The following SAXO1 variants were observed in gnomAD, a reference collection of about 807,000 sequenced individuals.
The protein encoded by SAXO1 is stabilizer of axonemal microtubules 1, also known as 4930500O09Rik.
A neutral mutation model predicts 17.5 loss-of-function variants in SAXO1; 21 were observed. The observed-to-expected ratio is 1.20, with a 90% CI of 0.85 to 1.72. The LOEUF (loss-of-function observed/expected upper bound fraction) is 1.72, where lower values mean the gene tolerates loss of function less well. Ranked by LOEUF, SAXO1 falls within the 40% of genes most tolerant of loss-of-function variation. SAXO1 has a pLI of 0.00. For synonymous variants in SAXO1, 274 were observed against 216.5 expected (o/e 1.27, Z -2.33); for missense variants, 843 against 596.0 (o/e 1.41, Z -4.32).
Position 18,961,169 on chromosome 9 carries a change from C to CTT in SAXO1, c.39-10234_39-10233dup, listed in dbSNP as rs11417886. ...TCTCTTATTTACTTTGAAATTCTTT[C>CTT]TTTTTTTTTTTTGGAGGTGGGGGTT... On this transcript the variant is annotated intron_variant, in intron 1 of 3. Coordinates refer to ENST00000380534, the MANE Select transcript of SAXO1 (RefSeq NM_153707.4). Among the ~76,000 whole-genome samples, 863 of 145,466 alleles carry CTT rather than the reference C, an allele frequency of 5.9e-3. 13 individuals are homozygous for CTT. Among genetic ancestry groups the CTT allele is most frequent in the South Asian group, 0.045 (208 of 4,588 alleles).
intron 1 of SAXO1, among the ~76,000 whole-genome samples, chr9:18,968,575 G>A (rs1173645479): frequency 6.9e-6 from 1 of 145,930 alleles, no homozygotes; most frequent in African/African-American, 2.5e-5. Flanking sequence ...TGGCATCATG[G>A]TTAAGAAAAT....
intron 3 of SAXO1, among the ~76,000 whole-genome samples, chr9:18,933,406 A>C (rs549164752): frequency 1.3e-5 from 2 of 150,868 alleles, no homozygotes; most frequent in Admixed American, 1.3e-4. Context: ...TAAATGAATT[A>C]AAAGAAAAAA....
intron 1 of SAXO1, among the ~76,000 whole-genome samples, chr9:18,959,354 G>A (rs995026724): frequency 6.6e-6 from 1 of 152,208 alleles, no homozygotes; most frequent in Non-Finnish European, 1.5e-5. Flanking sequence ...AAGAAGGCAT[G>A]ATTAAAGAGG....
At chr9:19,016,552 G>A (rs1219097792) in intron 1 of SAXO1, among the ~76,000 whole-genome samples, 1 of 152,170 alleles carries the variant, frequency 6.6e-6, no homozygotes, top group Non-Finnish European at 1.5e-5. Context: ...GTGGCAATGT[G>A]CAGACACATT....
chr9:18,987,105 C>CA (rs907662163), intron 1 of SAXO1, among the ~76,000 whole-genome samples: 2 of 152,060 alleles, frequency 1.3e-5, no homozygotes, highest in African/African-American at 4.8e-5. Flanking sequence ...ATTAAATAAA[C>CA]AAAAAAACAG....
intron 1 of SAXO1, among the ~76,000 whole-genome samples, chr9:18,987,938 TC>T (rs1833662781): frequency 8.1e-6 from 1 of 122,938 alleles, no homozygotes; most frequent in Non-Finnish European, 1.9e-5. Context: ...AACCAGCTCT[TC>T]CTCTCTACAT....
At chr9:19,017,122 A>T (rs1835010230) in intron 1 of SAXO1, among the ~76,000 whole-genome samples, 1 of 152,176 alleles carries the variant, frequency 6.6e-6, no homozygotes, top group South Asian at 2.1e-4. Flanking sequence ...CAGCCTGGAC[A>T]ACATAGTGAG....
chr9:18,996,909 G>T (rs1389467799), intron 1 of SAXO1, among the ~76,000 whole-genome samples: 1 of 152,054 alleles, frequency 6.6e-6, no homozygotes, highest in Non-Finnish European at 1.5e-5. Context: ...AATTATCTCA[G>T]TTCACAAATG....
chr9:18,960,356 A>C (rs1032397958), intron 1 of SAXO1, among the ~76,000 whole-genome samples: 1 of 152,084 alleles, frequency 6.6e-6, no homozygotes, highest in African/African-American at 2.4e-5. Context: ...GGAATGTTCT[A>C]TCTCTTCACT....
At chr9:18,934,338 G>A (rs966335234) in intron 3 of SAXO1, among the ~76,000 whole-genome samples, 3 of 152,092 alleles carry the variant, frequency 2.0e-5, no homozygotes, top group Admixed American at 6.5e-5. Context: ...GGTATTCCAC[G>A]AGTCTGGTTT....
At chr9:18,951,179 C>A (rs1466785660) in intron 1 of SAXO1, among the ~76,000 whole-genome samples, 1 of 152,250 alleles carries the variant, frequency 6.6e-6, no homozygotes, top group African/African-American at 2.4e-5. Flanking sequence ...CACAAGCTGT[C>A]ACACATGCCA....
chr9:18,945,321 C>T (rs541131196), intron 2 of SAXO1, among the ~76,000 whole-genome samples: 29 of 152,182 alleles, frequency 1.9e-4, no homozygotes, highest in African/African-American at 2.4e-4. Context: ...TTCATAGCAT[C>T]CATCCTCTCA....
intron 1 of SAXO1, among the ~76,000 whole-genome samples, chr9:19,014,749 T>A (rs1407817721): frequency 6.6e-6 from 1 of 152,164 alleles, no homozygotes; most frequent in East Asian, 1.9e-4. Flanking sequence ...ATTACCTACC[T>A]GTTGTCTCCT....
intron 1 of SAXO1, among the ~76,000 whole-genome samples, chr9:19,032,177 C>T (rs78340294): frequency 0.04 from 6,070 of 152,152 alleles, 150 homozygotes; most frequent in Middle Eastern, 0.085. Flanking sequence ...ACTCCCTGCC[C>T]CAGCCAAGCA....
At chr9:18,966,219 G>A (rs1832711268) in intron 1 of SAXO1, among the ~76,000 whole-genome samples, 2 of 151,996 alleles carry the variant, frequency 1.3e-5, no homozygotes, top group Non-Finnish European at 2.9e-5. Context: ...TATGTGTCTT[G>A]GGGTTGCTCT....
At chr9:18,941,505 G>T in intron 3 of SAXO1, 132 bp downstream of exon 3, 1 of 947,166 alleles carries the variant, frequency 1.1e-6, no homozygotes, top group South Asian at 1.6e-5. Context: ...ACAGGCTGCT[G>T]GCCAGATCTG....
chr9:18,970,354 A>T (rs1832901314), intron 1 of SAXO1, among the ~76,000 whole-genome samples: 1 of 152,202 alleles, frequency 6.6e-6, no homozygotes, highest in South Asian at 2.1e-4. Context: ...CTGCATAAAT[A>T]ACAATCAATT....
In SAXO1 at chr9:18,946,051, C is replaced by T. The variant is rs555869148; in HGVS notation, c.219-4212G>A. Among the ~76,000 whole-genome samples, 18 of 152,040 alleles carry T rather than the reference C, an allele frequency of 1.2e-4. 1 individual carries two copies. The highest frequency in any genetic ancestry group is 4.6e-4 in the Admixed American group (7 of 15,280). On this transcript the variant is annotated intron_variant, in intron 2 of 3. Transcript: ENST00000380534. ...CAGCACTTTGGGAGGCCAAGGCAGG[C>T]GGATCACCAGATGTCAGGAGTATGA...
chr9:18,966,833 T>C (rs1832738058), intron 1 of SAXO1, among the ~76,000 whole-genome samples: 1 of 152,222 alleles, frequency 6.6e-6, no homozygotes, highest in Non-Finnish European at 1.5e-5. Context: ...TTCTGGTTTT[T>C]GGAATTTTCA....
Sources: allele counts gnomAD v4.1 joint callset (sites outside exome capture counted in the v4.1 genomes callset), GRCh38; gene constraint gnomAD v4.1.1; transcripts MANE v1.5; gene names NCBI Gene and HGNC (gene_info 2026-07-23, HGNC 2026-07-21).